TIGAR: variants seen among roughly 807,000 people sequenced by gnomAD.
TIGAR encodes fructose-2,6-bisphosphatase TIGAR.
Under a neutral mutation model 17.9 loss-of-function variants are expected in TIGAR, and 7 were observed. That is an observed-to-expected ratio of 0.39 (90% CI 0.22 to 0.73). The LOEUF is 0.73. TIGAR is among the 30% of genes least tolerant of loss of function. The pLI, the probability that TIGAR is intolerant of heterozygous loss-of-function variation, is 0.42. For missense variants in TIGAR, 258 were observed against 327.4 expected (o/e 0.79, Z 1.64); for synonymous variants, 94 against 108.6 (o/e 0.87, Z 0.84).
Position 4,358,935 on chromosome 12 carries a change from T to G in TIGAR, c.*6244T>G, listed in dbSNP as rs544239608. Among the ~76,000 whole-genome samples, 2 of 152,306 alleles carry G rather than the reference T, an allele frequency of 1.3e-5. No individual in the cohort carries two copies. Among genetic ancestry groups the G allele is most frequent in the East Asian group, 3.9e-4 (2 of 5,194 alleles). On this transcript the variant is annotated 3_prime_UTR_variant, in exon 6 of 6. Coordinates refer to ENST00000179259, the MANE Select transcript of TIGAR (RefSeq NM_020375.3). Reference sequence around the variant, plus strand: ...AATAGGTGAGTTCTTGTGGTTTTTTTTCCTGACATATCCTCATTATTAGAT... The same window carrying G: ...AATAGGTGAGTTCTTGTGGTTTTTTGTCCTGACATATCCTCATTATTAGAT...
At chr12:4,324,664 A>T in intron 1 of TIGAR, 1 of 1,200,116 alleles carries the variant, frequency 8.3e-7, no homozygotes, top group Non-Finnish European at 1.2e-6. Flanking sequence ...TTTCCGCCGC[A>T]GGCCCGGGTT....
intron 3 of TIGAR, among the ~76,000 whole-genome samples, chr12:4,339,270 C>T (rs1864694075): frequency 6.6e-6 from 1 of 151,998 alleles, no homozygotes; most frequent in African/African-American, 2.4e-5. Flanking sequence ...CTACTATCAG[C>T]AACTATATGC....
Position 4,351,186 on chromosome 12 carries a change from T to G in TIGAR, c.271-81T>G, listed in dbSNP as rs147583305. Reference sequence around the variant, plus strand: ...AGTTAGCTTATTCCTGGGATGAATGTTCTAAATTTGCCATAAACATAAACT... The same window carrying G: ...AGTTAGCTTATTCCTGGGATGAATGGTCTAAATTTGCCATAAACATAAACT... On this transcript the variant is annotated intron_variant, in intron 4 of 5. Coordinates refer to ENST00000179259, the MANE Select transcript of TIGAR (RefSeq NM_020375.3). 8 of 1,283,452 alleles carry G rather than the reference T, an allele frequency of 6.2e-6. No individual in the cohort carries two copies. The South Asian group carries it at 1.0e-4, about 16-fold the overall frequency. 79.5% of individuals were successfully genotyped at this position (1,283,452 alleles called of 1,614,324 possible).
At position 4,356,957 on chromosome 12, in the gene TIGAR, A is replaced by G. The variant is rs762125932; in HGVS notation, c.*4266A>G. ...CCCACTCCTCACTCACCTACTATTCATTTCCATTTTTGGATGAGGATTCTC... is the reference window on the plus strand; with the variant it reads ...CCCACTCCTCACTCACCTACTATTCGTTTCCATTTTTGGATGAGGATTCTC... On this transcript the variant is annotated 3_prime_UTR_variant, in exon 6 of 6. Coordinates refer to ENST00000179259, the MANE Select transcript of TIGAR (RefSeq NM_020375.3). 1.3e-5 allele frequency among the ~76,000 whole-genome samples: 2 copies of G among 152,030 alleles called. No individual in the cohort carries two copies. The highest frequency in any genetic ancestry group is 2.9e-5 in the Non-Finnish European group (2 of 68,006).
rs987810266 is a variant in TIGAR, at chr12:4,358,979, T to G, written c.*6288T>G. Among the ~76,000 whole-genome samples the G allele has an allele frequency of 6.6e-6, 1 of 152,196 alleles. No homozygotes were observed. Among genetic ancestry groups the G allele is most frequent in the African/African-American group, 2.4e-5 (1 of 41,458 alleles). On this transcript the variant is annotated 3_prime_UTR_variant, in exon 6 of 6. Coordinates refer to ENST00000179259, the MANE Select transcript of TIGAR (RefSeq NM_020375.3). ...ATTAGATTTGGATTGTATACTTTTG[T>G]CAGAAGCAGCCCAGAAAGGATGTGT...
At chr12:4,327,323 C>T (rs966472918) in intron 1 of TIGAR, among the ~76,000 whole-genome samples, 2 of 151,340 alleles carry the variant, frequency 1.3e-5, no homozygotes, top group Non-Finnish European at 1.5e-5. Flanking sequence ...GCAGGAGAAT[C>T]GCTTGAATCC....
intron 2 of TIGAR, among the ~76,000 whole-genome samples, chr12:4,334,241 G>C (rs147907855): frequency 5.5e-4 from 84 of 152,286 alleles, no homozygotes; most frequent in African/African-American, 1.5e-3. Flanking sequence ...TCCAAGATCA[G>C]GGTGCCAGCA....
rs1864860516 is a variant in TIGAR, at chr12:4,353,534, T to G, written c.*843T>G. The G allele has an allele frequency of 6.6e-6, 1 of 152,240 alleles. No homozygotes were observed. Among genetic ancestry groups the G allele is most frequent in the Admixed American group, 6.5e-5 (1 of 15,274 alleles). The allele number at this position is 152,240 out of a possible 1,614,324, so 9.4% of individuals were successfully genotyped here. On this transcript the variant is annotated 3_prime_UTR_variant, in exon 6 of 6. Coordinates refer to ENST00000179259, the MANE Select transcript of TIGAR (RefSeq NM_020375.3). ...TAATCAGAATAAAAGAGGGGCCTTCTTTGTAAAGAATGGTGCTCTGGGCCG... is the reference window on the plus strand; with the variant it reads ...TAATCAGAATAAAAGAGGGGCCTTCGTTGTAAAGAATGGTGCTCTGGGCCG...
chr12:4,329,159 A>G (rs776556113), intron 1 of TIGAR, among the ~76,000 whole-genome samples: 66 of 152,042 alleles, frequency 4.3e-4, no homozygotes, highest in Non-Finnish European at 6.9e-4. Flanking sequence ...TTTACATATA[A>G]TCTCTCTCTT....
At chr12:4,325,798 A>G (rs1864540566) in intron 1 of TIGAR, among the ~76,000 whole-genome samples, 1 of 152,060 alleles carries the variant, frequency 6.6e-6, no homozygotes, top group African/African-American at 2.4e-5. Context: ...AGCTCTTGAA[A>G]TCTTCTATAT....
At chr12:4,338,975 C>CAAAAAAAAAAAAAAAAAAAAAAAA (rs199840929) in intron 3 of TIGAR, among the ~76,000 whole-genome samples, 2 of 38,184 alleles carry the variant, frequency 5.2e-5, no homozygotes, top group East Asian at 9.6e-4. Flanking sequence ...AACTTTGTCT[C>CAAAAAAAAAAAAAAAAAAAAAAAA]ACAAAAAAAA....
At position 4,358,725 on chromosome 12, in the gene TIGAR, CTT is replaced by C. The variant is rs201324724; in HGVS notation, c.*6046_*6047del. On this transcript the variant is annotated 3_prime_UTR_variant, in exon 6 of 6. Transcript: ENST00000179259. ...AATTATTTTGTTGATGTACCTGTGG[CTT>C]TTTTTTTTTTTCTGAATCAAGAATC... Among the ~76,000 whole-genome samples the C allele has an allele frequency of 7.1e-6, 1 of 141,790 alleles. No homozygotes were observed. Among genetic ancestry groups the C allele is most frequent in the Non-Finnish European group, 1.5e-5 (1 of 64,854 alleles). The allele number at this position is 141,790 out of a possible 152,430, so 93.0% of individuals were successfully genotyped here. A position where few individuals can be genotyped will look rare whatever the true frequency, so the allele number is the denominator to read the frequency against.
In TIGAR at chr12:4,356,886, T is replaced by C. The variant is rs1864908934; in HGVS notation, c.*4195T>C. Among the ~76,000 whole-genome samples the C allele has an allele frequency of 6.6e-6, 1 of 151,866 alleles. No homozygotes were observed. The highest frequency in any genetic ancestry group is 1.5e-5 in the Non-Finnish European group (1 of 67,972). On this transcript the variant is annotated 3_prime_UTR_variant, in exon 6 of 6. Transcript: ENST00000179259. ...CGCTTAGGCTCCCTTGCACCTGGAGTCGAAACCATGGCTCCCATTCACCTG... is the reference window on the plus strand; with the variant it reads ...CGCTTAGGCTCCCTTGCACCTGGAGCCGAAACCATGGCTCCCATTCACCTG...
At chr12:4,343,193 A>G (rs1001572801) in intron 3 of TIGAR, among the ~76,000 whole-genome samples, 1 of 152,262 alleles carries the variant, frequency 6.6e-6, no homozygotes, top group Non-Finnish European at 1.5e-5. Context: ...ACTATCTTAA[A>G]TATATATGCA....
In TIGAR at chr12:4,336,446, G is replaced by GCACACACACACA. The variant is rs10595001; in HGVS notation, c.71-555_71-544dup. ...TATGTTCTGTGGGCCCAGCAATGCA[G>GCACACACACACA]CACACACACACACACACACACACAC... is the stretch of plus-strand genomic sequence containing the variant. On this transcript the variant is annotated intron_variant, in intron 2 of 5. Coordinates refer to ENST00000179259, the MANE Select transcript of TIGAR (RefSeq NM_020375.3). Among the ~76,000 whole-genome samples, 322 of 138,552 alleles carry GCACACACACACA rather than the reference G, an allele frequency of 2.3e-3. 1 individual carries two copies. Among genetic ancestry groups the GCACACACACACA allele is most frequent in the African/African-American group, 7.1e-3 (263 of 36,964 alleles). The allele number at this position is 138,552 out of a possible 152,430, so 90.9% of individuals were successfully genotyped here. A position where few individuals can be genotyped will look rare whatever the true frequency, so the allele number is the denominator to read the frequency against.
In TIGAR at chr12:4,321,261, G is replaced by GA; in HGVS notation, c.-11_-10insA. 6.2e-7 allele frequency: 1 copy of GA among 1,600,930 alleles called. No homozygotes were observed. The highest frequency in any genetic ancestry group is 8.5e-7 in the Non-Finnish European group (1 of 1,179,788). ...GGCGCGGGGCCACCGACGGGACGCG[G>GA]CTCCGGGAACATGGCTCGCTTCGCT... On this transcript the variant is annotated 5_prime_UTR_variant, in exon 1 of 6. Coordinates refer to ENST00000179259, the MANE Select transcript of TIGAR (RefSeq NM_020375.3). This position sits in a 1 kb window ranked among gnomAD's most constrained non-coding sequence, Gnocchi z 5.2.
chr12:4,334,554 C>T (rs1864638389), intron 2 of TIGAR, among the ~76,000 whole-genome samples: 1 of 152,150 alleles, frequency 6.6e-6, no homozygotes. Flanking sequence ...TCGCTTAGTC[C>T]TGTCTTTTTT....
chr12:4,344,966 C>G (rs1864763902), intron 3 of TIGAR, among the ~76,000 whole-genome samples: 1 of 151,938 alleles, frequency 6.6e-6, no homozygotes, highest in South Asian at 2.1e-4. Context: ...TTATTATACA[C>G]CAATAACAAA....
intron 2 of TIGAR, among the ~76,000 whole-genome samples, chr12:4,334,451 T>C (rs1038034755): frequency 4.6e-5 from 7 of 152,194 alleles, no homozygotes; most frequent in African/African-American, 1.4e-4. Flanking sequence ...ATGTCAACAT[T>C]TGAATTTTGG....
Sources: gnomAD v4.1 joint callset for allele counts (sites outside exome capture counted in the v4.1 genomes callset) on GRCh38, gnomAD v4.1.1 for gene constraint, Gnocchi (gnomAD v3.1) non-coding constraint, MANE v1.5 for transcripts, NCBI Gene and HGNC (gene_info 2026-07-23, HGNC 2026-07-21) for gene names.